The following ALK variants were observed in gnomAD, a reference collection of about 807,000 sequenced individuals.
ALK encodes ALK receptor tyrosine kinase.
Under a neutral mutation model 163.1 loss-of-function variants are expected in ALK, and 74 were observed. The observed-to-expected ratio is 0.45, with a 90% CI of 0.38 to 0.55. ALK has a LOEUF of 0.55. ALK is among the 20% of genes least tolerant of loss of function. The pLI is 0.00. For missense variants in ALK, 2,063 were observed against 2,105.3 expected (o/e 0.98, Z 0.39); for synonymous variants, 960 against 843.2 (o/e 1.14, Z -2.40).
At chr2:29,495,341 T>G (rs1671998755) in intron 4 of ALK, among the ~76,000 whole-genome samples, 1 of 152,116 alleles carries the variant, frequency 6.6e-6, no homozygotes, top group African/African-American at 2.4e-5. Flanking sequence ...ATTGGAGTGT[T>G]TATTTCTCTA....
intron 2 of ALK, 106 bp downstream of exon 2, chr2:29,717,472 C>T (rs997647554): frequency 2.0e-5 from 27 of 1,372,570 alleles, no homozygotes; most frequent in Non-Finnish European, 2.7e-5. Context: ...ATATAGGGAG[C>T]TGAGGGAATG....
intron 1 of ALK, among the ~76,000 whole-genome samples, chr2:29,799,003 T>G (rs970927331): frequency 6.6e-6 from 1 of 152,204 alleles, no homozygotes; most frequent in Non-Finnish European, 1.5e-5. Flanking sequence ...CTCTCGTCTA[T>G]AAAATAGAAA....
chr2:29,292,398 C>A (rs568132422), intron 9 of ALK, among the ~76,000 whole-genome samples: 1 of 152,198 alleles, frequency 6.6e-6, no homozygotes, highest in Non-Finnish European at 1.5e-5. Context: ...AGAGGAAAAA[C>A]TAGGGGTATA....
chr2:29,644,142 G>A (rs1413164249), intron 3 of ALK, among the ~76,000 whole-genome samples: 2 of 150,466 alleles, frequency 1.3e-5, no homozygotes, highest in African/African-American at 2.4e-5. Context: ...GCAAACTATC[G>A]CAAGGACAAA....
intron 3 of ALK, among the ~76,000 whole-genome samples, chr2:29,579,606 C>T (rs543081258): frequency 7.9e-5 from 12 of 152,304 alleles, no homozygotes; most frequent in South Asian, 6.2e-4. Flanking sequence ...TTTTCCTCTA[C>T]GCTCTGGGAA....
In ALK at chr2:29,233,655, A is replaced by C. The variant is rs1483960716; in HGVS notation, c.2397T>G (p.Asn799Lys). ...LIQKVCIGEN[N>K]VIEEEIRVNR... ...TCACACGGATTTCTTCTTCTATCAC[A>C]TTGTTCTCTCCAATGCAGACTTTCT... The change falls in exon 14 of 29, where the codon AAT becomes AAG. Residue 799 changes from asparagine (N) to lysine (K), a missense_variant. Around this residue, in one of 5 missense-constraint regions of ALK, gnomAD observed 575 missense variants for 626.6 expected, o/e 0.92. Transcript: ENST00000389048. 6.2e-7 allele frequency: 1 copy of C among 1,614,164 alleles called. No individual in the cohort carries two copies. Among genetic ancestry groups the C allele is most frequent in the Non-Finnish European group, 8.5e-7 (1 of 1,180,040 alleles).
intron 1 of ALK, among the ~76,000 whole-genome samples, chr2:29,910,258 A>G (rs1172853486): frequency 6.6e-6 from 1 of 152,072 alleles, no homozygotes; most frequent in Non-Finnish European, 1.5e-5. Context: ...GTTTATTAGC[A>G]CATTAGACAC....
chr2:29,426,164 A>C lies in ALK; in HGVS notation c.1155-42305T>G, dbSNP rs187392392. ...ATCAGGGAAATAAACAGTCAAAGAG[A>C]AACTTGTTAAAAGCAGTGTCATCCT... On this transcript the variant is annotated intron_variant, in intron 4 of 28. Transcript: ENST00000389048. Among the ~76,000 whole-genome samples, 135 of 152,336 alleles carry C rather than the reference A, an allele frequency of 8.9e-4. 2 individuals carry two copies. Among genetic ancestry groups the C allele is most frequent in the East Asian group, 1.5e-3 (8 of 5,192 alleles).
chr2:29,897,399 A>G (rs1462619053), intron 1 of ALK, among the ~76,000 whole-genome samples: 2 of 152,152 alleles, frequency 1.3e-5, no homozygotes, highest in African/African-American at 4.8e-5. Context: ...AAGAAAAAGG[A>G]GAGTACATTC....
At chr2:29,690,369 C>T (rs552158339) in intron 3 of ALK, among the ~76,000 whole-genome samples, 1 of 152,292 alleles carries the variant, frequency 6.6e-6, no homozygotes, top group African/African-American at 2.4e-5. Flanking sequence ...TAGGAGCCTC[C>T]TCACTGTGGA....
intron 5 of ALK, among the ~76,000 whole-genome samples, chr2:29,357,892 T>C (rs979822334): frequency 2.6e-5 from 4 of 152,226 alleles, no homozygotes; most frequent in African/African-American, 9.7e-5. Flanking sequence ...TGCTTAATAA[T>C]ATCTCACTGG....
chr2:29,450,922 G>A (rs1386448570), intron 4 of ALK, among the ~76,000 whole-genome samples: 1 of 152,116 alleles, frequency 6.6e-6, no homozygotes, highest in Non-Finnish European at 1.5e-5. Context: ...GTGAGAGTCC[G>A]TGGGGGCGGG....
intron 8 of ALK, among the ~76,000 whole-genome samples, chr2:29,309,170 G>T (rs898829734): frequency 2.6e-5 from 4 of 152,118 alleles, no homozygotes; most frequent in Admixed American, 2.0e-4. Context: ...GTAGATGTGG[G>T]GCACAGGAGC....
chr2:29,386,546 C>A (rs938274693), intron 4 of ALK, among the ~76,000 whole-genome samples: 5 of 152,248 alleles, frequency 3.3e-5, no homozygotes, highest in African/African-American at 1.2e-4. Flanking sequence ...CAGGAGTATT[C>A]ATATTCTGCC....
chr2:29,717,189 AAGAG>A (rs10670332), intron 2 of ALK, among the ~76,000 whole-genome samples: 4 of 142,786 alleles, frequency 2.8e-5, no homozygotes, highest in African/African-American at 8.5e-5. Context: ...AAAAAAAAAA[AAGAG>A]AGAGAGAGAG....
intron 24 of ALK, among the ~76,000 whole-genome samples, chr2:29,210,090 A>ATGAT (rs1214720418): frequency 6.6e-6 from 1 of 152,220 alleles, no homozygotes; most frequent in Non-Finnish European, 1.5e-5. Flanking sequence ...ATTAGGGGAA[A>ATGAT]TGATTAAAAA....
At chr2:29,737,555 T>C (rs1244445946) in intron 1 of ALK, among the ~76,000 whole-genome samples, 4 of 147,370 alleles carry the variant, frequency 2.7e-5, no homozygotes, top group African/African-American at 8.1e-5. Context: ...CTCTTGGCTA[T>C]GGGCAGCAGT....
chr2:29,206,233 CT>C (rs1669305636), intron 26 of ALK, among the ~76,000 whole-genome samples: 1 of 151,366 alleles, frequency 6.6e-6, no homozygotes, highest in African/African-American at 2.4e-5. Context: ...CTGCCCCTCC[CT>C]TCTACCTCCT....
chr2:29,887,149 CAT>C (rs546425306), intron 1 of ALK, among the ~76,000 whole-genome samples: 61 of 152,288 alleles, frequency 4.0e-4, no homozygotes, highest in Non-Finnish European at 6.8e-4. Context: ...TCATAAATGC[CAT>C]AGTTACAAAA....
Sources: gnomAD v4.1 joint callset for allele counts (sites outside exome capture counted in the v4.1 genomes callset) on GRCh38, gnomAD v4.1.1 for gene constraint, gnomAD v4.1.1 regional missense constraint, MANE v1.5 for transcripts, NCBI Gene and HGNC (gene_info 2026-07-23, HGNC 2026-07-21) for gene names.